DDC: variants seen among roughly 807,000 people sequenced by gnomAD.
DDC encodes the protein aromatic-L-amino-acid decarboxylase.
Under a neutral mutation model 60.0 loss-of-function variants are expected in DDC, and 43 were observed. The observed-to-expected ratio is 0.72, with a 90% CI of 0.56 to 0.92. DDC has a LOEUF of 0.92. DDC is among the 40% of genes least tolerant of loss of function. DDC has a pLI of 0.00. For synonymous variants in DDC, 232 were observed against 234.6 expected (o/e 0.99, Z 0.10); for missense variants, 573 against 620.2 (o/e 0.92, Z 0.81).
intron 6 of DDC, among the ~76,000 whole-genome samples, chr7:50,506,151 G>A (rs754368799): frequency 1.3e-5 from 2 of 152,174 alleles, no homozygotes; most frequent in South Asian, 2.1e-4. Flanking sequence ...TCTGCTCCAG[G>A]TCACATTTGG....
chr7:50,544,154 T>G, intron 1 of DDC, 41 bp from the exon 2 acceptor site: 1 of 1,494,626 alleles, frequency 6.7e-7, no homozygotes, highest in Non-Finnish European at 9.3e-7. Flanking sequence ...TTTTGCAACC[T>G]CTGAACTGGA....
At chr7:50,461,791 C>G (rs78696030) in intron 14 of DDC, among the ~76,000 whole-genome samples, 1,891 of 152,256 alleles carry the variant, frequency 0.012, 43 homozygotes, top group African/African-American at 0.041. Context: ...TCCAGAGATG[C>G]TTGAGATACC....
chr7:50,470,887 A>G (rs1314082095), intron 11 of DDC, among the ~76,000 whole-genome samples: 1 of 152,208 alleles, frequency 6.6e-6, no homozygotes. Flanking sequence ...GCATAGCAGC[A>G]CTGTGTGGTC....
chr7:50,539,748 G>A (rs1291923529), intron 3 of DDC, 167 bp downstream of exon 3: 2 of 634,850 alleles, frequency 3.2e-6, no homozygotes, highest in Non-Finnish European at 5.8e-6. Context: ...TACTTTCTCA[G>A]AGGCACTCTC....
chr7:50,564,184 C>A (rs114351245), intron 1 of DDC: 27 of 152,338 alleles, frequency 1.8e-4, no homozygotes, highest in African/African-American at 6.0e-4. Context: ...CACATATCCA[C>A]TTTGCCAGGA....
rs1304224392 is a variant in DDC at position 50,492,836 on chromosome 7, G to A, written c.944+2514C>T. Reference sequence around the variant, plus strand: ...CGGGGAAGAGTTGTCCGGGAGAGATGAGCGCACAGCCGCCAACTTGCTGGC... The same window carrying A: ...CGGGGAAGAGTTGTCCGGGAGAGATAAGCGCACAGCCGCCAACTTGCTGGC... On this transcript the variant is annotated intron_variant, in intron 9 of 14. Transcript: ENST00000444124. 11 of 1,534,016 alleles carry A rather than the reference G, an allele frequency of 7.2e-6. No homozygotes were observed. In the Admixed American group the frequency reaches 1.6e-4, roughly 22 times the overall value.
In DDC at chr7:50,544,081, T is replaced by A. The variant is rs760033012; in HGVS notation, c.5A>T (p.Asn2Ile). The A allele has an allele frequency of 6.2e-7, 1 of 1,614,056 alleles. No individual in the cohort carries two copies. The highest frequency in any genetic ancestry group is 8.5e-7 in the Non-Finnish European group (1 of 1,179,964). ...CCCTCTCCTTCGGAATTCACTTGCG[T>A]TCATGGTGTCTGGGCTCTGTCAGAG... is the stretch of plus-strand genomic sequence containing the variant. M[N>I]ASEFRRRGKE... The change falls in exon 2 of 15, where the codon AAC becomes ATC. Residue 2 changes from asparagine (N) to isoleucine (I), a missense_variant. Physicochemically the swap from Asn to Ile is moderately radical, Grantham distance 149. Coordinates refer to ENST00000444124, the MANE Select transcript of DDC (RefSeq NM_001082971.2).
intron 9 of DDC, 76 bp from the exon 10 acceptor site, chr7:50,479,939 G>C: frequency 8.4e-7 from 1 of 1,197,226 alleles, no homozygotes. Flanking sequence ...CTCCCCACCT[G>C]CCTCAGCTCA....
intron 1 of DDC, chr7:50,560,866 G>C (rs2045329363): frequency 6.6e-6 from 1 of 152,134 alleles, no homozygotes; most frequent in Admixed American, 6.5e-5. Flanking sequence ...ATGCTCAGCT[G>C]TCCCTGTCAG....
chr7:50,538,364 A>T (rs2044490841), intron 3 of DDC, among the ~76,000 whole-genome samples: 1 of 152,100 alleles, frequency 6.6e-6, no homozygotes, highest in Admixed American at 6.5e-5. Context: ...GAAGCCATTG[A>T]TCTTGTCTTT....
chr7:50,507,243 C>CT (rs374412569), intron 6 of DDC, among the ~76,000 whole-genome samples: 46 of 148,666 alleles, frequency 3.1e-4, no homozygotes, highest in Middle Eastern at 3.4e-3. Flanking sequence ...AATGCAATAA[C>CT]TTTTTTTTTT....
intron 6 of DDC, among the ~76,000 whole-genome samples, chr7:50,525,053 C>T (rs370084705): frequency 6.6e-6 from 1 of 152,072 alleles, no homozygotes; most frequent in African/African-American, 2.4e-5. Context: ...GATCTCAAGG[C>T]CATTATGCTG....
intron 9 of DDC, among the ~76,000 whole-genome samples, chr7:50,484,992 T>C (rs1261239781): frequency 6.6e-6 from 1 of 152,210 alleles, no homozygotes; most frequent in African/African-American, 2.4e-5. Flanking sequence ...CTAAGACTTT[T>C]AAAACAAGTT....
At chr7:50,491,336 CT>C (rs1562998304) in intron 9 of DDC, among the ~76,000 whole-genome samples, 1 of 151,424 alleles carries the variant, frequency 6.6e-6, no homozygotes, top group African/African-American at 2.4e-5. Context: ...GTTTCTCTCT[CT>C]CTTCCTCCAC....
intron 6 of DDC, among the ~76,000 whole-genome samples, chr7:50,508,147 C>T (rs1455592450): frequency 6.6e-6 from 1 of 152,220 alleles, no homozygotes; most frequent in East Asian, 1.9e-4. Context: ...GGCCTGGGGG[C>T]TGCAAGGACA....
intron 1 of DDC, among the ~76,000 whole-genome samples, chr7:50,546,995 G>C (rs1266760400): frequency 1.3e-5 from 2 of 152,172 alleles, no homozygotes; most frequent in South Asian, 2.1e-4. Context: ...GGGCCTGCAG[G>C]CTTTGAAATT....
chr7:50,508,320 A>C (rs2043455815), intron 6 of DDC, among the ~76,000 whole-genome samples: 1 of 152,230 alleles, frequency 6.6e-6, no homozygotes, highest in African/African-American at 2.4e-5. Flanking sequence ...CTGCAGAGGC[A>C]TAATCACATT....
In DDC at chr7:50,544,781, T is replaced by C. The variant is rs2044747283; in HGVS notation, c.-28-668A>G. Among the ~76,000 whole-genome samples the C allele has an allele frequency of 3.9e-5, 6 of 152,248 alleles. No homozygotes were observed. In the South Asian group the frequency reaches 1.2e-3, roughly 32 times the overall value. On this transcript the variant is annotated intron_variant, in intron 1 of 14. Coordinates refer to ENST00000444124, the MANE Select transcript of DDC (RefSeq NM_001082971.2). ...CAACAGTTGCCATGGCCATAAACTC[T>C]GAATTAGTGAATACTGAACCATTTC...
intron 1 of DDC, among the ~76,000 whole-genome samples, chr7:50,550,158 G>T (rs1180054874): frequency 1.3e-5 from 2 of 152,148 alleles, no homozygotes; most frequent in Admixed American, 1.3e-4. Flanking sequence ...TTGTTTTAAG[G>T]AATTGCCACA....
Sources: gnomAD v4.1 joint callset for allele counts (sites outside exome capture counted in the v4.1 genomes callset) on GRCh38, gnomAD v4.1.1 for gene constraint, MANE v1.5 for transcripts, NCBI Gene and HGNC (gene_info 2026-07-23, HGNC 2026-07-21) for gene names.